STAG1: variants seen among roughly 807,000 people sequenced by gnomAD.
STAG1 encodes the protein STAG1 cohesin complex component.
Under a neutral mutation model 170.9 loss-of-function variants are expected in STAG1, and 26 were observed. That is an observed-to-expected ratio of 0.15 (90% confidence interval 0.11 to 0.21). The LOEUF (loss-of-function observed/expected upper bound fraction) is 0.21, where lower values mean the gene tolerates loss of function less well. Ranked by LOEUF, STAG1 falls within the 10% of genes least tolerant of loss-of-function variation. The pLI is 1.00. For synonymous variants in STAG1, 514 were observed against 497.7 expected, an observed-to-expected ratio of 1.03 and a Z score of -0.44; for missense variants, 964 against 1,509.5, an observed-to-expected ratio of 0.64 and a Z score of 5.99.
At chr3:136,526,479 C>T (rs1196463710) in intron 6 of STAG1, among the ~76,000 whole-genome samples, 2 of 152,126 alleles carry the variant, frequency 1.3e-5, no homozygotes, top group Non-Finnish European at 2.9e-5. Flanking sequence ...TATTTTGAGC[C>T]TACGTGTGTC....
intron 12 of STAG1, 51 bp from the exon 13 acceptor site, chr3:136,465,039 T>C: frequency 7.3e-7 from 1 of 1,377,362 alleles, no homozygotes; most frequent in Non-Finnish European, 9.9e-7. Context: ...TTTATTTTCC[T>C]TTCTACTTTT....
chr3:136,527,753 A>G (rs1209096622), intron 6 of STAG1, among the ~76,000 whole-genome samples: 1 of 152,132 alleles, frequency 6.6e-6, no homozygotes, highest in Admixed American at 6.5e-5. Context: ...TGACATACAC[A>G]TGGGGTTTTG....
chr3:136,691,100 C>T lies in STAG1; in HGVS notation c.-83-60119G>A, dbSNP rs189386919. Among the ~76,000 whole-genome samples the T allele has an allele frequency of 4.0e-3, 610 of 151,622 alleles. 4 individuals carry two copies. The highest frequency in any genetic ancestry group is 0.014 in the African/African-American group (575 of 41,296). ...AACACTTGAGCCCAGGAGTTCGAGACCAGCCTGGGACACATGGCAAAACCT... is the reference window on the plus strand; with the variant it reads ...AACACTTGAGCCCAGGAGTTCGAGATCAGCCTGGGACACATGGCAAAACCT... On this transcript the variant is annotated intron_variant, in intron 1 of 33. Transcript: ENST00000383202.
At chr3:136,522,339 T>A (rs1934722159) in intron 6 of STAG1, among the ~76,000 whole-genome samples, 1 of 152,140 alleles carries the variant, frequency 6.6e-6, no homozygotes, top group East Asian at 1.9e-4. Context: ...GAGAACGGAC[T>A]CAGAGTCAAA....
At chr3:136,345,101 A>C (rs2108263080) in intron 29 of STAG1, among the ~76,000 whole-genome samples, 1 of 151,672 alleles carries the variant, frequency 6.6e-6, no homozygotes, top group South Asian at 2.1e-4. Flanking sequence ...AAATATATAT[A>C]TATTTTTTGA....
At chr3:136,640,186 A>G (rs1025938323) in intron 1 of STAG1, among the ~76,000 whole-genome samples, 2 of 152,224 alleles carry the variant, frequency 1.3e-5, no homozygotes, top group African/African-American at 2.4e-5. Flanking sequence ...CAAATAAAAG[A>G]TAACAAGTTG....
rs60449608 is a variant in STAG1, at chr3:136,613,313, CAAAAAA to C, written c.133-8846_133-8841del. On this transcript the variant is annotated intron_variant, in intron 3 of 33. Transcript: ENST00000383202. ...AAGTGAACAGAGTGAGACTCCGTCTCAAAAAAAAAAAAAAAAAAAAAAGAAATCAGA... is the reference window on the plus strand; with the variant it reads ...AAGTGAACAGAGTGAGACTCCGTCTCAAAAAAAAAAAAAAAAGAAATCAGA... Among the ~76,000 whole-genome samples the C allele has an allele frequency of 3.4e-3, 205 of 59,764 alleles. 3 individuals carry two copies. Among genetic ancestry groups the C allele is most frequent in the African/African-American group, 0.011 (164 of 14,366 alleles). 39.2% of individuals were successfully genotyped at this position (59,764 alleles called of 152,430 possible).
At chr3:136,743,186 GTGAAA>G (rs1934762948) in intron 1 of STAG1, among the ~76,000 whole-genome samples, 1 of 152,094 alleles carries the variant, frequency 6.6e-6, no homozygotes, top group African/African-American at 2.4e-5. Context: ...GGCCAACATA[GTGAAA>G]CCCTGTCTCT....
At chr3:136,542,402 C>T (rs925477990) in intron 5 of STAG1, among the ~76,000 whole-genome samples, 2 of 152,072 alleles carry the variant, frequency 1.3e-5, no homozygotes, top group African/African-American at 2.4e-5. Context: ...TTTGAAATTG[C>T]CGTTTTTAAC....
Position 136,604,396 on chromosome 3 carries a change from T to C in STAG1, c.210A>G (p.Gly70=), listed in dbSNP as rs781658332. The C allele has an allele frequency of 1.2e-6, 2 of 1,613,852 alleles. No homozygotes were observed. The highest frequency in any genetic ancestry group is 8.5e-7 in the Non-Finnish European group (1 of 1,179,946). The change falls in exon 4 of 34, where the codon GGA becomes GGG. Residue 70 remains glycine, a synonymous_variant. Transcript: ENST00000383202. ...IEAGIRGAGR[G]RANGHPQQNG... ...TCTGTTGAGGGTGTCCATTAGCTCT[T>C]CCACGGCCTGCTCCTCTAATTCCAG...
intron 1 of STAG1, among the ~76,000 whole-genome samples, chr3:136,738,046 C>T (rs1016439378): frequency 1.4e-4 from 22 of 151,746 alleles, no homozygotes; most frequent in South Asian, 2.1e-4. Context: ...CCAGCCTAGG[C>T]GACACAGTGA....
chr3:136,643,746 C>T (rs1359954062), intron 1 of STAG1, among the ~76,000 whole-genome samples: 1 of 152,070 alleles, frequency 6.6e-6, no homozygotes, highest in Non-Finnish European at 1.5e-5. Flanking sequence ...TGAGCTCAAG[C>T]GATCCACCTG....
intron 5 of STAG1, among the ~76,000 whole-genome samples, chr3:136,549,658 GTTTT>G (rs34179977): frequency 6.9e-6 from 1 of 144,572 alleles, no homozygotes; most frequent in Non-Finnish European, 1.5e-5. Context: ...CACTTCTTCC[GTTTT>G]TTTTTTTTTG....
chr3:136,731,893 T>C (rs1392831059), intron 1 of STAG1, among the ~76,000 whole-genome samples: 2 of 152,182 alleles, frequency 1.3e-5, no homozygotes, highest in African/African-American at 2.4e-5. Context: ...AAAGCATAAA[T>C]TATTCCAATA....
intron 13 of STAG1, among the ~76,000 whole-genome samples, chr3:136,455,524 G>C (rs978687205): frequency 7.9e-5 from 12 of 152,192 alleles, no homozygotes; most frequent in African/African-American, 2.9e-4. Flanking sequence ...GAACCACTGG[G>C]AGTGCCTGGA....
chr3:136,421,333 A>G (rs1387961832), intron 19 of STAG1, among the ~76,000 whole-genome samples, 170 bp from the exon 20 acceptor site: 1 of 152,222 alleles, frequency 6.6e-6, no homozygotes, highest in Non-Finnish European at 1.5e-5. Flanking sequence ...CTAACAACCT[A>G]GAAATAATTT....
intron 1 of STAG1, among the ~76,000 whole-genome samples, chr3:136,751,183 T>TG (rs1439859955): frequency 1.4e-5 from 2 of 147,428 alleles, no homozygotes; most frequent in Admixed American, 6.6e-5. Flanking sequence ...TTTTTTTTTT[T>TG]TGTTTTTTTT....
chr3:136,550,261 G>C lies in STAG1; in HGVS notation c.395-8066C>G, dbSNP rs548416698. ...CACCAGTGAAGCCAAATGATACTGG[G>C]ACTTTTCTTTGTTCTCCTAATCCGC... is the stretch of plus-strand genomic sequence containing the variant. On this transcript the variant is annotated intron_variant, in intron 5 of 33. Transcript: ENST00000383202. Among the ~76,000 whole-genome samples the C allele has an allele frequency of 2.0e-5, 3 of 151,656 alleles. No individual in the cohort carries two copies. In the East Asian group the frequency reaches 5.8e-4, roughly 29 times the overall value.
chr3:136,415,497 A>T (rs796142839), intron 21 of STAG1, among the ~76,000 whole-genome samples: 1 of 152,174 alleles, frequency 6.6e-6, no homozygotes, highest in African/African-American at 2.4e-5. Context: ...TCTTATTGTA[A>T]GTACACAGTT....
Sources: allele counts gnomAD v4.1 joint callset (sites outside exome capture counted in the v4.1 genomes callset), GRCh38; gene constraint gnomAD v4.1.1; transcripts MANE v1.5; gene names NCBI Gene and HGNC (gene_info 2026-07-23, HGNC 2026-07-21).